Variants in PRMT8 observed in about 807,000 individuals in gnomAD.
PRMT8 encodes protein arginine methyltransferase 8, also known as protein arginine N-methyltransferase 8.
In PRMT8, 7 loss-of-function variants were observed where a neutral mutation model predicts 47.1. The observed-to-expected ratio is 0.15, with a 90% CI of 0.08 to 0.28. PRMT8 has a LOEUF of 0.28. PRMT8 is among the 10% of genes least tolerant of loss of function. The probability of loss-of-function intolerance (pLI) is 1.00; values close to 1 mark genes in which losing one functional copy is unlikely to be tolerated. For missense variants in PRMT8, 237 were observed against 505.4 expected (o/e 0.47, Z 5.09); for synonymous variants, 188 against 186.5 (o/e 1.01, Z -0.07).
At chr12:3,431,918 A>T (rs1188119877) in intron 1 of PRMT8, among the ~76,000 whole-genome samples, 1 of 152,206 alleles carries the variant, frequency 6.6e-6, no homozygotes, top group Admixed American at 6.5e-5. Flanking sequence ...AGCAGCAAGG[A>T]GGGGTAGAGA....
intron 1 of PRMT8, among the ~76,000 whole-genome samples, chr12:3,447,250 T>C (rs887628921): frequency 7.2e-5 from 11 of 152,242 alleles, no homozygotes; most frequent in African/African-American, 1.2e-4. Flanking sequence ...ACCGAAGTTA[T>C]GAAGCAGCTA....
chr12:3,440,382 A>G (rs1473344089), intron 1 of PRMT8, among the ~76,000 whole-genome samples: 1 of 152,152 alleles, frequency 6.6e-6, no homozygotes, highest in East Asian at 1.9e-4. Flanking sequence ...GAATTGCTAG[A>G]ACCTGGGAGG....
At chr12:3,441,663 T>G (rs527410335) in intron 1 of PRMT8, among the ~76,000 whole-genome samples, 17 of 152,042 alleles carry the variant, frequency 1.1e-4, no homozygotes, top group Non-Finnish European at 2.4e-4. Flanking sequence ...CCCTGAGGAG[T>G]CACTCACAAA....
intron 1 of PRMT8, among the ~76,000 whole-genome samples, chr12:3,437,758 A>C (rs1378634027): frequency 2.6e-5 from 4 of 151,696 alleles, no homozygotes; most frequent in Non-Finnish European, 5.9e-5. Context: ...GTGTGACCTT[A>C]GGGATGTTCT....
chr12:3,533,068 T>C (rs1866058342), intron 1 of PRMT8, among the ~76,000 whole-genome samples: 1 of 152,164 alleles, frequency 6.6e-6, no homozygotes, highest in Admixed American at 6.5e-5. Context: ...AAACCCTATG[T>C]AGGGATGGGC....
intron 1 of PRMT8, among the ~76,000 whole-genome samples, chr12:3,520,110 C>G (rs368807457): frequency 6.6e-6 from 1 of 152,124 alleles, no homozygotes; most frequent in African/African-American, 2.4e-5. Context: ...AGGATCCTTG[C>G]AGCTGAGGAG....
chr12:3,523,372 G>C (rs1009416130), intron 1 of PRMT8, among the ~76,000 whole-genome samples: 4 of 152,126 alleles, frequency 2.6e-5, no homozygotes, highest in African/African-American at 9.7e-5. Context: ...AGGAAGCTTG[G>C]AGGTATGGAT....
intron 4 of PRMT8, among the ~76,000 whole-genome samples, chr12:3,555,291 G>A (rs1866505913): frequency 6.6e-6 from 1 of 152,262 alleles, no homozygotes; most frequent in African/African-American, 2.4e-5. Context: ...CCCCATGGCT[G>A]CGTTAGGTTA....
chr12:3,387,102 T>C (rs1352519029), intron 1 of PRMT8, among the ~76,000 whole-genome samples: 2 of 152,210 alleles, frequency 1.3e-5, no homozygotes, highest in African/African-American at 4.8e-5. Flanking sequence ...GCATCCCAAG[T>C]GCCTGACACA....
intron 2 of PRMT8, among the ~76,000 whole-genome samples, chr12:3,544,571 C>T (rs1591594980): frequency 6.6e-6 from 1 of 152,178 alleles, no homozygotes; most frequent in Non-Finnish European, 1.5e-5. Flanking sequence ...AATGCCAGAG[C>T]CCCCTGCTAC....
In PRMT8 at chr12:3,491,414, G is replaced by T; in HGVS notation, c.-212G>T. 1 of 1,333,588 alleles carries T rather than the reference G, an allele frequency of 7.5e-7. No homozygotes were observed. Among genetic ancestry groups the T allele is most frequent in the South Asian group, 2.2e-5 (1 of 46,310 alleles). The allele number at this position is 1,333,588 out of a possible 1,614,324, so 82.6% of individuals were successfully genotyped here. ...GAGAAGAACTTGAAACCGTGTGAAG[G>T]AATCCGGAGCAGATGAGAAGGGAGG... is the stretch of plus-strand genomic sequence containing the variant. On this transcript the variant is annotated 5_prime_UTR_variant, in exon 1 of 10. Coordinates refer to ENST00000382622, the MANE Select transcript of PRMT8 (RefSeq NM_019854.5).
intron 1 of PRMT8, among the ~76,000 whole-genome samples, chr12:3,421,327 G>T (rs1864538517): frequency 6.6e-6 from 1 of 152,208 alleles, no homozygotes; most frequent in South Asian, 2.1e-4. Context: ...GGCTTCCTCT[G>T]GGTTAGGCAC....
At chr12:3,591,394 G>T (rs1867299540) in intron 8 of PRMT8, among the ~76,000 whole-genome samples, 1 of 149,836 alleles carries the variant, frequency 6.7e-6, no homozygotes, top group Non-Finnish European at 1.5e-5. Flanking sequence ...CAGAGAAGCA[G>T]GCAGGGAAAG....
At position 3,535,264 on chromosome 12, in the gene PRMT8, G is replaced by T. The variant is rs1392651169; in HGVS notation, c.76-5342G>T. 6.6e-6 allele frequency among the ~76,000 whole-genome samples: 1 copy of T among 152,222 alleles called. No homozygotes were observed. Among genetic ancestry groups the T allele is most frequent in the Non-Finnish European group, 1.5e-5 (1 of 68,042 alleles). ...CATCTCTGCATTTAGTGGGCCCGAG[G>T]CCTGTTCACCCCAGTAGAGTGGGTA... On this transcript the variant is annotated intron_variant, in intron 1 of 9. Transcript: ENST00000382622. The surrounding 1 kb of genome is among the most constrained non-coding windows in gnomAD (Gnocchi z 4.7).
intron 1 of PRMT8, among the ~76,000 whole-genome samples, chr12:3,397,775 C>T (rs1417941286): frequency 1.4e-4 from 21 of 152,114 alleles, no homozygotes; most frequent in Non-Finnish European, 1.5e-5. Flanking sequence ...TTTACCTCAG[C>T]AAGCCCGGGC....
At chr12:3,531,664 C>G (rs2137154023) in intron 1 of PRMT8, among the ~76,000 whole-genome samples, 1 of 152,312 alleles carries the variant, frequency 6.6e-6, no homozygotes, top group South Asian at 2.1e-4. Context: ...CAGCATGCAG[C>G]TGCTGAGGGC....
chr12:3,530,833 G>A (rs1274751934), intron 1 of PRMT8, among the ~76,000 whole-genome samples: 1 of 152,182 alleles, frequency 6.6e-6, no homozygotes, highest in African/African-American at 2.4e-5. Flanking sequence ...CCACACGCTC[G>A]AATTTCCTCT....
chr12:3,497,310 C>T (rs7956955), intron 1 of PRMT8, among the ~76,000 whole-genome samples: 149,949 of 152,280 alleles, frequency 0.98, 73,874 homozygotes, highest in East Asian at 1. Flanking sequence ...TGCCTCTGTC[C>T]CTGAGAACCA....
At position 3,583,475 on chromosome 12, in the gene PRMT8, C is replaced by G. The variant is rs913766939; in HGVS notation, c.979+267C>G. Among the ~76,000 whole-genome samples the G allele has an allele frequency of 1.5e-4, 23 of 152,152 alleles. No individual in the cohort carries two copies. Among genetic ancestry groups the G allele is most frequent in the Non-Finnish European group, 2.4e-4 (16 of 68,024 alleles). ...GCAGGAGGTAGGGCTCATGGAGGGG[C>G]CCCAAGCCCTTTCAAAGGCATATTT... On this transcript the variant is annotated intron_variant, in intron 8 of 9. Transcript: ENST00000382622. This position sits in a 1 kb window ranked among gnomAD's most constrained non-coding sequence, Gnocchi z 4.7.
Sources: gnomAD v4.1 joint callset for allele counts (sites outside exome capture counted in the v4.1 genomes callset) on GRCh38, gnomAD v4.1.1 for gene constraint, Gnocchi (gnomAD v3.1) non-coding constraint, MANE v1.5 for transcripts, NCBI Gene and HGNC (gene_info 2026-07-23, HGNC 2026-07-21) for gene names.